DOCK1: variants seen among roughly 807,000 people sequenced by gnomAD.
The protein encoded by DOCK1 is dedicator of cytokinesis 1.
A neutral mutation model predicts 262.7 loss-of-function variants in DOCK1; 138 were observed. The ratio of observed to expected loss-of-function variants is 0.53; its 90% CI spans 0.46 to 0.61. The LOEUF (loss-of-function observed/expected upper bound fraction) is 0.61, where lower values mean the gene tolerates loss of function less well. Ranked by LOEUF, DOCK1 falls within the 20% of genes least tolerant of loss-of-function variation. DOCK1 has a pLI of 0.00. For missense variants in DOCK1, 1,908 were observed against 2,370.7 expected (o/e 0.80, Z 4.05); for synonymous variants, 866 against 867.4 (o/e 1.00, Z 0.03).
intron 46 of DOCK1, among the ~76,000 whole-genome samples, chr10:127,422,158 C>CTTTTTTTTTTTTTTTTTT (rs35535729): frequency 1.3e-4 from 8 of 61,384 alleles, no homozygotes; most frequent in Admixed American, 2.2e-4. Context: ...TTTTGTTTGT[C>CTTTTTTTTTTTTTTTTTT]TTTTTTTTTT....
chr10:127,421,134 G>T (rs1202604823), intron 46 of DOCK1, among the ~76,000 whole-genome samples: 1 of 152,036 alleles, frequency 6.6e-6, no homozygotes, highest in Non-Finnish European at 1.5e-5. Context: ...GGCCAGGCTG[G>T]TCTTGAACTC....
In DOCK1 at chr10:127,419,691, A is replaced by T; in HGVS notation, c.4718A>T (p.Gln1573Leu). 1 of 1,606,210 alleles carries T rather than the reference A, an allele frequency of 6.2e-7. No individual in the cohort carries two copies. The highest frequency in any genetic ancestry group is 8.5e-7 in the Non-Finnish European group (1 of 1,176,196). ...GCCTTCTTTACAGACCGGTACCTGCAGGAGCACCCTGAGGCCCATGAAAAG... is the reference window on the plus strand; with the variant it reads ...GCCTTCTTTACAGACCGGTACCTGCTGGAGCACCCTGAGGCCCATGAAAAG... ...EKAFFTDRYL[Q>L]EHPEAHEKIE... is the part of the protein sequence containing the mutation. Residue 1573 changes from glutamine (Q) to leucine (L), a missense_variant, in exon 46 of 52, where the codon CAG becomes CTG. By Grantham distance (113) the Gln-to-Leu change is moderately radical. This residue lies in a region of DOCK1 where 383 missense variants were observed against 420.1 expected (regional missense o/e 0.91). Transcript: ENST00000623213.
intron 1 of DOCK1, among the ~76,000 whole-genome samples, chr10:126,968,826 A>G (rs2087419661): frequency 6.6e-6 from 1 of 152,202 alleles, no homozygotes; most frequent in African/African-American, 2.4e-5. Flanking sequence ...TTTCTTGTTA[A>G]AGATTCACTG....
chr10:126,947,468 T>G, intron 1 of DOCK1, among the ~76,000 whole-genome samples: 1 of 142,228 alleles, frequency 7.0e-6, no homozygotes, highest in Non-Finnish European at 1.5e-5. Flanking sequence ...TTGGTAGTAT[T>G]ACTGTTGGTG....
At chr10:127,274,276 A>G (rs984640426) in intron 29 of DOCK1, among the ~76,000 whole-genome samples, 4 of 152,264 alleles carry the variant, frequency 2.6e-5, no homozygotes, top group Non-Finnish European at 4.4e-5. Context: ...TGAGAAAGAG[A>G]CTTTTGGGTG....
intron 27 of DOCK1, among the ~76,000 whole-genome samples, chr10:127,141,049 G>T (rs1388225131): frequency 2.0e-5 from 3 of 152,140 alleles, no homozygotes; most frequent in Admixed American, 2.0e-4. Context: ...GTCCGGTGCT[G>T]CCAGCTTCAT....
chr10:127,381,254 C>T (rs764239886), intron 36 of DOCK1, 24 bp from the exon 37 acceptor site: 1 of 1,584,432 alleles, frequency 6.3e-7, no homozygotes, highest in South Asian at 1.2e-5. Flanking sequence ...ATTTTAAGAA[C>T]ATACCTCTGT....
chr10:126,990,716 C>A, intron 6 of DOCK1, 113 bp downstream of exon 6: 1 of 1,272,576 alleles, frequency 7.9e-7, no homozygotes, highest in Non-Finnish European at 1.1e-6. Context: ...TTTCTACCAT[C>A]AAAGTAATGG....
In DOCK1 at chr10:127,257,449, C is replaced by T; in HGVS notation, c.3044+20C>T. ...AAATAAGTAAGTGTGGGGAAAACGG[C>T]TCTCACCTTTTCTATGGCTCCCAAT... On this transcript the variant is annotated intron_variant, in intron 29 of 51. Coordinates refer to ENST00000623213, the MANE Select transcript of DOCK1 (RefSeq NM_001290223.2). 6.3e-7 allele frequency: 1 copy of T among 1,578,462 alleles called. No individual in the cohort carries two copies. The highest frequency in any genetic ancestry group is 8.6e-7 in the Non-Finnish European group (1 of 1,158,998).
chr10:126,939,265 A>G (rs927738256), intron 1 of DOCK1, among the ~76,000 whole-genome samples: 2,015 of 152,298 alleles, frequency 0.013, 19 homozygotes, highest in Middle Eastern at 0.054. Context: ...AAGTCCCACC[A>G]TTTAAAACGA....
intron 29 of DOCK1, among the ~76,000 whole-genome samples, chr10:127,272,756 T>G (rs1382710697): frequency 6.6e-6 from 1 of 152,146 alleles, no homozygotes; most frequent in Non-Finnish European, 1.5e-5. Flanking sequence ...GGACTTACAG[T>G]TCTATGTGGC....
chr10:127,439,961 G>T (rs551362801), intron 49 of DOCK1, among the ~76,000 whole-genome samples: 1 of 152,096 alleles, frequency 6.6e-6, no homozygotes, highest in Non-Finnish European at 1.5e-5. Context: ...ATCTGTGTTC[G>T]TCTGTTTTGT....
chr10:127,363,951 T>C (rs1239141197), intron 33 of DOCK1, among the ~76,000 whole-genome samples: 1 of 152,248 alleles, frequency 6.6e-6, no homozygotes, highest in East Asian at 1.9e-4. Context: ...TGAAATAGAA[T>C]CTACCAGAAA....
intron 15 of DOCK1, chr10:127,026,034 G>T: frequency 3.6e-6 from 1 of 274,034 alleles, no homozygotes; most frequent in Non-Finnish European, 6.6e-6. Flanking sequence ...ACTCTAGCCT[G>T]GGCAACAAGA....
chr10:127,075,190 AAAAAAAAAAG>A (rs2046451510), intron 23 of DOCK1, among the ~76,000 whole-genome samples: 1 of 150,730 alleles, frequency 6.6e-6, no homozygotes, highest in African/African-American at 2.4e-5. Flanking sequence ...AAAAAAAAAA[AAAAAAAAAAG>A]GAGAGTTGTT....
rs2044819834 is a variant in DOCK1 at position 127,052,708 on chromosome 10, C to T, written c.2229C>T (p.Tyr743=). The change falls in exon 22 of 52, where the codon TAC becomes TAT. Residue 743 remains tyrosine, a synonymous_variant. Coordinates refer to ENST00000623213, the MANE Select transcript of DOCK1 (RefSeq NM_001290223.2). ...YTKLTKVLKN[Y]VDGAEKPGVN... is the part of the protein sequence containing the mutation. Reference sequence around the variant, plus strand: ...AGTTGACAAAAGTGTTGAAGAACTACGTGGACGGTGCTGAGAAGCCGGGAG... The same window carrying T: ...AGTTGACAAAAGTGTTGAAGAACTATGTGGACGGTGCTGAGAAGCCGGGAG... 6.2e-7 allele frequency: 1 copy of T among 1,613,936 alleles called. No homozygotes were observed. The highest frequency in any genetic ancestry group is 2.2e-5 in the East Asian group (1 of 44,874).
intron 22 of DOCK1, among the ~76,000 whole-genome samples, chr10:127,059,306 C>T (rs1482180193): frequency 2.0e-5 from 3 of 152,034 alleles, no homozygotes; most frequent in Admixed American, 6.6e-5. Context: ...TTTATTTATC[C>T]TGCATTGAAT....
At chr10:127,042,507 A>G in intron 19 of DOCK1, 118 bp from the exon 20 acceptor site, 1 of 868,778 alleles carries the variant, frequency 1.2e-6, no homozygotes, top group Non-Finnish European at 1.9e-6. Flanking sequence ...GAATGGCTTT[A>G]TAGGTAGTGC....
At position 127,153,989 on chromosome 10, in the gene DOCK1, T is replaced by A. The variant is rs185579585; in HGVS notation, c.2847+26225T>A. On this transcript the variant is annotated intron_variant, in intron 27 of 51. Transcript: ENST00000623213. ...GGGGTCACTGGCTTTATAGAGCAGA[T>A]GCCTCAAATCAAATGCCTTCCCAAT... 3.5e-5 allele frequency: 41 copies of A among 1,169,574 alleles called. No individual in the cohort carries two copies. In the East Asian group the frequency reaches 8.9e-4, roughly 25 times the overall value. 72.4% of individuals were successfully genotyped at this position (1,169,574 alleles called of 1,614,324 possible). A position where few individuals can be genotyped will look rare whatever the true frequency, so the allele number is the denominator to read the frequency against.
Sources: gnomAD v4.1 joint callset for allele counts (sites outside exome capture counted in the v4.1 genomes callset) on GRCh38, gnomAD v4.1.1 for gene constraint, gnomAD v4.1.1 regional missense constraint, MANE v1.5 for transcripts, NCBI Gene and HGNC (gene_info 2026-07-23, HGNC 2026-07-21) for gene names.